Variants in MTHFD1 observed in about 807,000 individuals in gnomAD.
MTHFD1 encodes the protein C-1-tetrahydrofolate synthase, cytoplasmic.
Under a neutral mutation model 110.3 loss-of-function variants are expected in MTHFD1, and 44 were observed. The observed-to-expected ratio is 0.40, with a 90% confidence interval of 0.31 to 0.51. The LOEUF is 0.51. Among genes scored for constraint, MTHFD1 ranks in the 20% least tolerant of loss-of-function variants. The probability of loss-of-function intolerance (pLI) is 0.60; values close to 1 mark genes in which losing one functional copy is unlikely to be tolerated. For synonymous variants in MTHFD1, 402 were observed against 428.8 expected, an observed-to-expected ratio of 0.94 and a Z score of 0.77; for missense variants, 909 against 1,173.1, an observed-to-expected ratio of 0.77 and a Z score of 3.29.
At chr14:64,402,753 G>A (rs1296881939) in intron 2 of MTHFD1, among the ~76,000 whole-genome samples, 1 of 151,656 alleles carries the variant, frequency 6.6e-6, no homozygotes, top group Admixed American at 6.6e-5. Flanking sequence ...AGGCTGCAGG[G>A]AGTTGTGTTC....
At chr14:64,410,382 A>G (rs556704093) in intron 2 of MTHFD1, among the ~76,000 whole-genome samples, 4 of 133,204 alleles carry the variant, frequency 3.0e-5, no homozygotes, top group South Asian at 5.3e-4. Context: ...AGGCACCACT[A>G]TGCCTGGCTA....
intron 7 of MTHFD1, among the ~76,000 whole-genome samples, chr14:64,419,572 A>G (rs2078053359): frequency 6.6e-6 from 1 of 152,156 alleles, no homozygotes; most frequent in Non-Finnish European, 1.5e-5. Context: ...TGATTTCCCT[A>G]TTGGGTAAAA....
chr14:64,447,810 G>C (rs1295407517), intron 22 of MTHFD1, among the ~76,000 whole-genome samples: 1 of 152,140 alleles, frequency 6.6e-6, no homozygotes, highest in African/African-American at 2.4e-5. Context: ...GTGCTGTGCA[G>C]AGTAGAGTTA....
rs1425463597 is a variant in MTHFD1 at position 64,459,891 on chromosome 14, GT to G, written c.*140del. The stretch of plus-strand genomic sequence containing the variant: ...AGAAGATCTGAAACTAATAGTAGGA[GT>G]TTCCCCAGAAGTCATTTTCAGCCTT... On this transcript the variant is annotated 3_prime_UTR_variant, in exon 28 of 28. Coordinates refer to ENST00000652337, the MANE Select transcript of MTHFD1 (RefSeq NM_005956.4). 16 of 1,535,948 alleles carry G rather than the reference GT, an allele frequency of 1.0e-5. No homozygotes were observed. Among genetic ancestry groups the G allele is most frequent in the Admixed American group, 5.9e-5 (3 of 50,978 alleles).
At chr14:64,421,780 C>A (rs377495897) in intron 8 of MTHFD1, among the ~76,000 whole-genome samples, 2 of 152,148 alleles carry the variant, frequency 1.3e-5, no homozygotes, top group South Asian at 4.1e-4. Context: ...CCCGCCACCA[C>A]GCCCGGCTAA....
At position 64,448,372 on chromosome 14, in the gene MTHFD1, T is replaced by C. The variant is rs1482063514; in HGVS notation, c.2279+55T>C. ...AATGTGGAAAATCTCCTGGAGCTGA[T>C]TGTACAGCACTGCTTTTAGCTTTAT... On this transcript the variant is annotated intron_variant, in intron 23 of 27. Coordinates refer to ENST00000652337, the MANE Select transcript of MTHFD1 (RefSeq NM_005956.4). 7.7e-6 allele frequency: 10 copies of C among 1,305,542 alleles called. 1 individual carries two copies. Among genetic ancestry groups the C allele is most frequent in the African/African-American group, 4.3e-5 (3 of 69,018 alleles). The allele number at this position is 1,305,542 out of a possible 1,614,324, so 80.9% of individuals were successfully genotyped here.
At chr14:64,436,825 C>T (rs988892194) in intron 16 of MTHFD1, among the ~76,000 whole-genome samples, 5 of 152,020 alleles carry the variant, frequency 3.3e-5, no homozygotes, top group Non-Finnish European at 5.9e-5. Context: ...ATTTAGTATC[C>T]GATTTACTTT....
Position 64,417,994 on chromosome 14 carries a change from C to T in MTHFD1, c.585C>T (p.Cys195=), listed in dbSNP as rs2078038260. 1 of 1,614,042 alleles carries T rather than the reference C, an allele frequency of 6.2e-7. No homozygotes were observed. Among genetic ancestry groups the T allele is most frequent in the Non-Finnish European group, 8.5e-7 (1 of 1,180,002 alleles). ...LLWNNATVTT[C]HSKTAHLDEE... ...GGAACAATGCCACAGTGACCACCTG[C>T]CACTCCAAGACTGCCCATCTGGATG... is the stretch of plus-strand genomic sequence containing the variant. Residue 195 remains cysteine, a synonymous_variant, in exon 7 of 28, where the codon TGC becomes TGT. Coordinates refer to ENST00000652337, the MANE Select transcript of MTHFD1 (RefSeq NM_005956.4). The surrounding 1 kb of genome is among the most constrained non-coding windows in gnomAD (Gnocchi z 4.4).
At chr14:64,444,045 C>A (rs765310237) in intron 21 of MTHFD1, among the ~76,000 whole-genome samples, 1 of 148,926 alleles carries the variant, frequency 6.7e-6, no homozygotes, top group African/African-American at 2.5e-5. Flanking sequence ...AAATGGACAC[C>A]TTCACCCATT....
Position 64,419,797 on chromosome 14 carries a change from A to C in MTHFD1, c.616-17A>C, listed in dbSNP as rs2078054600. The C allele has an allele frequency of 1.9e-6, 3 of 1,564,160 alleles. No individual in the cohort carries two copies. In the East Asian group the frequency reaches 6.7e-5, roughly 35 times the overall value. ...TTTCATTATTTCATTTCTGATGTCCAAATCCCCTACCCCTAGGTAAATAAA... is the reference window on the plus strand; with the variant it reads ...TTTCATTATTTCATTTCTGATGTCCCAATCCCCTACCCCTAGGTAAATAAA... On this transcript the variant is annotated splice_polypyrimidine_tract_variant and intron_variant, in intron 7 of 27. Transcript: ENST00000652337.
intron 25 of MTHFD1, 70 bp from the exon 26 acceptor site, chr14:64,454,653 A>G: frequency 7.9e-7 from 1 of 1,268,852 alleles, no homozygotes; most frequent in East Asian, 2.3e-5. Context: ...ATGTAATCAC[A>G]GGGCCCAGAT....
At chr14:64,407,155 T>A (rs972774842) in intron 2 of MTHFD1, among the ~76,000 whole-genome samples, 3 of 152,178 alleles carry the variant, frequency 2.0e-5, no homozygotes, top group Non-Finnish European at 2.9e-5. Flanking sequence ...AAATTAAGAC[T>A]TGACTTTTCA....
In MTHFD1 at chr14:64,458,194, A is replaced by T; in HGVS notation, c.2719-20A>T. ...CTGTGCCCAGCATTAGTTTATTTGTAATGCTTTTTTACATCCTAGATGAGC... is the reference window on the plus strand; with the variant it reads ...CTGTGCCCAGCATTAGTTTATTTGTTATGCTTTTTTACATCCTAGATGAGC... On this transcript the variant is annotated intron_variant, in intron 26 of 27. Transcript: ENST00000652337. 6.4e-7 allele frequency: 1 copy of T among 1,560,648 alleles called. No individual in the cohort carries two copies. Among genetic ancestry groups the T allele is most frequent in the Non-Finnish European group, 8.8e-7 (1 of 1,131,232 alleles).
intron 23 of MTHFD1, among the ~76,000 whole-genome samples, chr14:64,448,955 A>G (rs1442812212): frequency 1.3e-5 from 2 of 152,028 alleles, no homozygotes; most frequent in Non-Finnish European, 2.9e-5. Flanking sequence ...GCCTGCCACC[A>G]TGCCCAGCTA....
chr14:64,449,788 C>G, intron 24 of MTHFD1, 166 bp downstream of exon 24: 1 of 812,626 alleles, frequency 1.2e-6, no homozygotes, highest in Non-Finnish European at 2.0e-6. Context: ...CAGCTGTAGA[C>G]AGCCTTCTTT....
chr14:64,448,294 A>G lies in MTHFD1; in HGVS notation c.2256A>G (p.Val752=), dbSNP rs749022072. The change falls in exon 23 of 28, where the codon GTA becomes GTG. Residue 752 remains valine (V), a synonymous_variant. Transcript: ENST00000652337. ...IENARMFGIP[V]VVAVNAFKTD... The stretch of plus-strand genomic sequence containing the variant: ...ATGCCAGAATGTTTGGAATTCCAGT[A>G]GTAGTGGCCGTGAATGCATTCAAGT... 1.2e-6 allele frequency: 2 copies of G among 1,613,798 alleles called. No individual in the cohort carries two copies. The highest frequency in any genetic ancestry group is 2.7e-5 in the African/African-American group (2 of 74,942).
At chr14:64,412,276 T>C (rs1329139350) in intron 3 of MTHFD1, among the ~76,000 whole-genome samples, 196 bp from the exon 4 acceptor site, 4 of 152,196 alleles carry the variant, frequency 2.6e-5, no homozygotes, top group Admixed American at 2.6e-4. Flanking sequence ...ATAGCAAGCA[T>C]GACATTGCTG....
intron 27 of MTHFD1, among the ~76,000 whole-genome samples, chr14:64,459,148 T>G (rs1157578498): frequency 6.6e-6 from 1 of 152,214 alleles, no homozygotes; most frequent in African/African-American, 2.4e-5. Context: ...TCTGGATATT[T>G]TCAGACGTGC....
chr14:64,440,093 G>A, intron 17 of MTHFD1, 33 bp from the exon 18 acceptor site: 1 of 1,603,824 alleles, frequency 6.2e-7, no homozygotes, highest in Non-Finnish European at 8.5e-7. Flanking sequence ...TTAACACAAA[G>A]TTTTTGCTAG....
Sources: allele counts gnomAD v4.1 joint callset (sites outside exome capture counted in the v4.1 genomes callset), GRCh38; gene constraint gnomAD v4.1.1; non-coding constraint Gnocchi (gnomAD v3.1); transcripts MANE v1.5; gene names NCBI Gene and HGNC (gene_info 2026-07-23, HGNC 2026-07-21).